MALRD1: variants seen among roughly 807,000 people sequenced by gnomAD.
The protein encoded by MALRD1 is MAM and LDL-receptor class A domain-containing protein 1.
MALRD1 carries 247 observed loss-of-function variants against 242.1 expected under a neutral mutation model. The observed-to-expected ratio is 1.02, with a 90% CI of 0.92 to 1.13. The LOEUF (loss-of-function observed/expected upper bound fraction) is 1.13. Ranked by LOEUF, MALRD1 falls within the 50% of genes most tolerant of loss-of-function variation. MALRD1 has a pLI of 0.00. For missense variants in MALRD1, 2,989 were observed against 2,533.1 expected (o/e 1.18, Z -3.86); for synonymous variants, 995 against 866.6 (o/e 1.15, Z -2.60).
chr10:19,321,699 C>G (rs1588906740), intron 21 of MALRD1, among the ~76,000 whole-genome samples: 1 of 152,126 alleles, frequency 6.6e-6, no homozygotes, highest in East Asian at 1.9e-4. Context: ...AGTCACTCTA[C>G]TGATTTATCA....
intron 25 of MALRD1, among the ~76,000 whole-genome samples, chr10:19,351,438 T>C (rs1223756151): frequency 6.6e-6 from 1 of 152,148 alleles, no homozygotes; most frequent in African/African-American, 2.4e-5. Flanking sequence ...GAAGGCCCAT[T>C]TGTAGCATTT....
At position 19,184,702 on chromosome 10, in the gene MALRD1, C is replaced by T. The variant is rs568355836; in HGVS notation, c.1951+9374C>T. Among the ~76,000 whole-genome samples, 8 of 152,156 alleles carry T rather than the reference C, an allele frequency of 5.3e-5. No homozygotes were observed. In the East Asian group the frequency reaches 1.6e-3, roughly 30 times the overall value. On this transcript the variant is annotated intron_variant, in intron 14 of 39. Coordinates refer to ENST00000454679, the MANE Select transcript of MALRD1 (RefSeq NM_001142308.3). Reference sequence around the variant, plus strand: ...TGGCTAGACTACAGGTGAGCACCACCGTGCCCAGCTAATTTTTGTATTTTT... The same window carrying T: ...TGGCTAGACTACAGGTGAGCACCACTGTGCCCAGCTAATTTTTGTATTTTT...
Position 19,348,014 on chromosome 10 carries a change from G to T in MALRD1, c.4145G>T (p.Cys1382Phe). The T allele has an allele frequency of 6.5e-7, 1 of 1,550,096 alleles. No homozygotes were observed. The highest frequency in any genetic ancestry group is 2.0e-5 in the Admixed American group (1 of 50,930). Residue 1382 changes from cysteine to phenylalanine, a missense_variant, in exon 25 of 40, where the codon TGC becomes TTC. Physicochemically the swap from Cys to Phe is radical, Grantham distance 205 (BLOSUM62 -2). Coordinates refer to ENST00000454679, the MANE Select transcript of MALRD1 (RefSeq NM_001142308.3). ...GTTATAAGTAAGAGAAGCAAAAACT[G>T]CAAGGTATGGGGAAAATCGAACCAA... Reference protein sequence around the residue: ...SPVISKRSKNCKIIFHYHMYG... With the variant: ...SPVISKRSKNFKIIFHYHMYG...
At chr10:19,177,236 C>T (rs1436804187) in intron 14 of MALRD1, among the ~76,000 whole-genome samples, 3 of 149,578 alleles carry the variant, frequency 2.0e-5, no homozygotes, top group Non-Finnish European at 4.4e-5. Flanking sequence ...GCCGAGATCG[C>T]GCCACTGCAC....
chr10:19,334,095 G>A (rs990165667), intron 24 of MALRD1, among the ~76,000 whole-genome samples: 4 of 123,102 alleles, frequency 3.2e-5, no homozygotes, highest in Non-Finnish European at 6.8e-5. Context: ...TGTCTTGTAG[G>A]TTGTCTGTTT....
At chr10:19,110,829 C>T (rs972506525) in intron 5 of MALRD1, among the ~76,000 whole-genome samples, 3 of 152,092 alleles carry the variant, frequency 2.0e-5, no homozygotes, top group African/African-American at 7.2e-5. Context: ...GATCCCTGAT[C>T]ATTTTGTACT....
At chr10:19,483,492 C>T (rs544881126) in intron 29 of MALRD1, among the ~76,000 whole-genome samples, 137 of 152,206 alleles carry the variant, frequency 9.0e-4, no homozygotes, top group African/African-American at 3.2e-3. Flanking sequence ...AGGACGTGAA[C>T]AGACACTTCT....
At chr10:19,103,434 G>A (rs964565958) in intron 4 of MALRD1, among the ~76,000 whole-genome samples, 17 of 151,616 alleles carry the variant, frequency 1.1e-4, no homozygotes, top group African/African-American at 3.4e-4. Flanking sequence ...GGTGGTGGGC[G>A]CCTGTAGTCC....
At chr10:19,573,578 C>G (rs1836664630) in intron 33 of MALRD1, among the ~76,000 whole-genome samples, 1 of 151,658 alleles carries the variant, frequency 6.6e-6, no homozygotes, top group Non-Finnish European at 1.5e-5. Flanking sequence ...GCTCAGCCAC[C>G]CCTTTCCCCC....
intron 36 of MALRD1, among the ~76,000 whole-genome samples, chr10:19,684,757 CA>C (rs1842508296): frequency 6.6e-6 from 1 of 151,962 alleles, no homozygotes; most frequent in African/African-American, 2.4e-5. Context: ...AACTCAAAAA[CA>C]AATAAATAAA....
intron 8 of MALRD1, among the ~76,000 whole-genome samples, chr10:19,133,270 C>T (rs926096598): frequency 2.6e-5 from 4 of 152,090 alleles, no homozygotes; most frequent in Admixed American, 1.3e-4. Context: ...TGTACAGGTA[C>T]ATAACATAGA....
chr10:19,602,193 A>AT (rs1838381991), intron 34 of MALRD1, among the ~76,000 whole-genome samples: 1 of 82,224 alleles, frequency 1.2e-5, no homozygotes. Context: ...CAGGTAGCAT[A>AT]GTCTTTTTTT....
At chr10:19,402,951 T>C (rs1328421956) in intron 28 of MALRD1, among the ~76,000 whole-genome samples, 1 of 152,120 alleles carries the variant, frequency 6.6e-6, no homozygotes, top group African/African-American at 2.4e-5. Flanking sequence ...GTAGGCACAA[T>C]TTAGTTTTGT....
chr10:19,585,828 C>G (rs1564460794), intron 33 of MALRD1, among the ~76,000 whole-genome samples: 1 of 152,192 alleles, frequency 6.6e-6, no homozygotes, highest in East Asian at 1.9e-4. Flanking sequence ...TGTTTTCCAA[C>G]TTGGTTCCAT....
chr10:19,264,456 CTTT>C (rs1261988988), intron 19 of MALRD1, among the ~76,000 whole-genome samples: 1 of 111,594 alleles, frequency 9.0e-6, no homozygotes. Flanking sequence ...TTTTCTTTTT[CTTT>C]TTTTTTTTTT....
chr10:19,256,711 T>A (rs1477635498), intron 18 of MALRD1, among the ~76,000 whole-genome samples: 1 of 152,114 alleles, frequency 6.6e-6, no homozygotes, highest in African/African-American at 2.4e-5. Flanking sequence ...GGTCAGCAAT[T>A]TGACCTTTTA....
At chr10:19,569,819 ATATT>A (rs1451127652) in intron 33 of MALRD1, among the ~76,000 whole-genome samples, 1 of 147,404 alleles carries the variant, frequency 6.8e-6, no homozygotes, top group African/African-American at 2.5e-5. Context: ...TTTCTTATAT[ATATT>A]ATTCCATATG....
chr10:19,177,876 C>T (rs1328324484), intron 14 of MALRD1, among the ~76,000 whole-genome samples: 1 of 152,058 alleles, frequency 6.6e-6, no homozygotes, highest in African/African-American at 2.4e-5. Context: ...GAAAGGACCC[C>T]TCTAGAATGA....
chr10:19,295,921 G>A (rs891906475), intron 21 of MALRD1, among the ~76,000 whole-genome samples: 1 of 152,152 alleles, frequency 6.6e-6, no homozygotes, highest in Admixed American at 6.6e-5. Context: ...AGGTGATGCT[G>A]ATGCTACAGA....
Sources: gnomAD v4.1 joint callset for allele counts (sites outside exome capture counted in the v4.1 genomes callset) on GRCh38, gnomAD v4.1.1 for gene constraint, MANE v1.5 for transcripts, NCBI Gene and HGNC (gene_info 2026-07-23, HGNC 2026-07-21) for gene names.